FTCDNL1: variants seen among roughly 807,000 people sequenced by gnomAD.
FTCDNL1 encodes the protein formiminotransferase N-terminal subdomain-containing protein.
A neutral mutation model predicts 5.9 loss-of-function variants in FTCDNL1; 11 were observed. That is an observed-to-expected ratio of 1.87 (90% CI 1.18 to 3.10). The LOEUF (loss-of-function observed/expected upper bound fraction) is 3.10. FTCDNL1 is among the 30% of genes most tolerant of loss of function. The pLI is 0.00. For missense variants in FTCDNL1, 115 were observed against 65.5 expected (o/e 1.76, Z -2.61); for synonymous variants, 58 against 24.8 (o/e 2.34, Z -3.99).
the FTCDNL1 span, among the ~76,000 whole-genome samples, chr2:199,689,295 T>A: frequency 2.6e-5 from 4 of 152,166 alleles, no homozygotes; most frequent in African/African-American, 9.7e-5. Flanking sequence ...GGTATTTGGA[T>A]CAAGAAAGTT....
the FTCDNL1 span, among the ~76,000 whole-genome samples, chr2:199,716,081 G>T: frequency 7.3e-6 from 1 of 137,408 alleles, no homozygotes. Context: ...ACAAATAGCA[G>T]ATTTTAGAGA....
the FTCDNL1 span, among the ~76,000 whole-genome samples, chr2:199,694,193 G>A: frequency 6.6e-6 from 1 of 152,200 alleles, no homozygotes; most frequent in Non-Finnish European, 1.5e-5. Context: ...GGAGCTGGAA[G>A]GATGTGAGAC....
chr2:199,848,235 G>T (rs1350900640), intron 2 of FTCDNL1, among the ~76,000 whole-genome samples: 5 of 152,198 alleles, frequency 3.3e-5, no homozygotes, highest in African/African-American at 1.2e-4. Context: ...ATCTTTCATA[G>T]TAATACTGGC....
chr2:199,739,585 A>G, the FTCDNL1 span, among the ~76,000 whole-genome samples: 60 of 152,266 alleles, frequency 3.9e-4, no homozygotes, highest in African/African-American at 1.4e-3. Context: ...ATTGGGAGAA[A>G]GTTGTTTCAT....
chr2:199,745,285 A>T, the FTCDNL1 span, among the ~76,000 whole-genome samples: 5 of 152,258 alleles, frequency 3.3e-5, no homozygotes, highest in Non-Finnish European at 7.3e-5. Context: ...ATCTTCATGG[A>T]GTTTACATTT....
At chr2:199,671,579 A>G in the FTCDNL1 span, among the ~76,000 whole-genome samples, 1 of 152,188 alleles carries the variant, frequency 6.6e-6, no homozygotes, top group Non-Finnish European at 1.5e-5. Flanking sequence ...TCCACAGGCA[A>G]CTAACAAATG....
At chr2:199,774,504 T>C (rs79267681) in intron 3 of FTCDNL1, among the ~76,000 whole-genome samples, 4,320 of 152,216 alleles carry the variant, frequency 0.028, 202 homozygotes, top group African/African-American at 0.097. Flanking sequence ...ACATGTTGTC[T>C]TACAAAGCAC....
At chr2:199,750,450 T>C in the FTCDNL1 span, among the ~76,000 whole-genome samples, 2 of 152,206 alleles carry the variant, frequency 1.3e-5, no homozygotes, top group Non-Finnish European at 2.9e-5. Flanking sequence ...TTATTCCTAA[T>C]ATCCAACACA....
At chr2:199,774,584 CAG>C (rs1698967780) in intron 3 of FTCDNL1, among the ~76,000 whole-genome samples, 1 of 152,152 alleles carries the variant, frequency 6.6e-6, no homozygotes, top group Non-Finnish European at 1.5e-5. Flanking sequence ...TTTACCAGCT[CAG>C]AGAGTTCCAG....
chr2:199,803,257 G>A (rs555572596), intron 3 of FTCDNL1, among the ~76,000 whole-genome samples: 1 of 151,666 alleles, frequency 6.6e-6, no homozygotes, highest in African/African-American at 2.4e-5. Flanking sequence ...AGAAGTATTG[G>A]AGAGAGGCCT....
At chr2:199,787,288 T>C (rs1699704592) in intron 3 of FTCDNL1, among the ~76,000 whole-genome samples, 1 of 152,032 alleles carries the variant, frequency 6.6e-6, no homozygotes, top group Non-Finnish European at 1.5e-5. Flanking sequence ...GTTCAAGCGA[T>C]TCTCCTGACT....
chr2:199,723,651 T>A, the FTCDNL1 span, among the ~76,000 whole-genome samples: 1 of 152,192 alleles, frequency 6.6e-6, no homozygotes, highest in Non-Finnish European at 1.5e-5. Flanking sequence ...TCATGTGATT[T>A]TTGTCTTCAG....
intron 3 of FTCDNL1, among the ~76,000 whole-genome samples, chr2:199,771,911 A>G (rs372138924): frequency 1.3e-5 from 2 of 152,212 alleles, no homozygotes; most frequent in Non-Finnish European, 2.9e-5. Context: ...TGTATACACT[A>G]TGTTTTATCC....
chr2:199,769,413 T>A (rs1024375510), intron 3 of FTCDNL1, among the ~76,000 whole-genome samples: 6 of 152,142 alleles, frequency 3.9e-5, no homozygotes, highest in African/African-American at 1.4e-4. Context: ...CCTGCACAAG[T>A]CCTCTTGCCT....
the FTCDNL1 span, among the ~76,000 whole-genome samples, chr2:199,672,416 G>T: frequency 1.1e-3 from 167 of 152,298 alleles, 1 homozygote; most frequent in African/African-American, 3.9e-3. Flanking sequence ...GAATTTGGCT[G>T]ATTTTAGAGA....
chr2:199,785,977 C>A (rs1171276561), intron 3 of FTCDNL1, among the ~76,000 whole-genome samples: 1 of 152,078 alleles, frequency 6.6e-6, no homozygotes, highest in African/African-American at 2.4e-5. Context: ...AGCCTATATC[C>A]CCTACATGTG....
the FTCDNL1 span, among the ~76,000 whole-genome samples, chr2:199,671,167 C>CAAAAAAA: frequency 7.3e-6 from 1 of 136,152 alleles, no homozygotes; most frequent in Non-Finnish European, 1.6e-5. Context: ...AAATCCATGG[C>CAAAAAAA]AAAAAAAAAA....
At chr2:199,741,991 CCAATA>C in the FTCDNL1 span, among the ~76,000 whole-genome samples, 3 of 152,128 alleles carry the variant, frequency 2.0e-5, no homozygotes, top group African/African-American at 7.2e-5. Flanking sequence ...TTTTCATAAA[CCAATA>C]CTTGCCTACC....
chr2:199,815,766 C>A (rs1243929381), intron 4 of FTCDNL1, among the ~76,000 whole-genome samples: 1 of 152,058 alleles, frequency 6.6e-6, no homozygotes, highest in Non-Finnish European at 1.5e-5. Flanking sequence ...CTTTGGGAGG[C>A]CGAGGTGGGC....
Sources: gnomAD v4.1 joint callset for allele counts (sites outside exome capture counted in the v4.1 genomes callset) on GRCh38, gnomAD v4.1.1 for gene constraint, MANE v1.5 for transcripts, NCBI Gene and HGNC (gene_info 2026-07-23, HGNC 2026-07-21) for gene names.